Variants in SLC24A2 observed in about 807,000 individuals in gnomAD.
The protein encoded by SLC24A2 is sodium/potassium/calcium exchanger 2.
In SLC24A2, 36 loss-of-function variants were observed where a neutral mutation model predicts 62.0. That is an observed-to-expected ratio of 0.58 (90% CI 0.44 to 0.77). SLC24A2 has a LOEUF of 0.77. Ranked by LOEUF, SLC24A2 falls within the 30% of genes least tolerant of loss-of-function variation. The pLI is 0.00. For missense variants in SLC24A2, 846 were observed against 817.9 expected, an observed-to-expected ratio of 1.03 and a Z score of -0.42; for synonymous variants, 358 against 294.0, an observed-to-expected ratio of 1.22 and a Z score of -2.23.
chr9:20,256,921 T>TACACAC, the SLC24A2 span, among the ~76,000 whole-genome samples: 2,620 of 119,950 alleles, frequency 0.022, 70 homozygotes, highest in African/African-American at 0.065. Context: ...CTCCAGCATG[T>TACACAC]ACACACACAC....
At chr9:19,534,540 A>G (rs969472510) in intron 8 of SLC24A2, among the ~76,000 whole-genome samples, 1 of 150,898 alleles carries the variant, frequency 6.6e-6, no homozygotes, top group Non-Finnish European at 1.5e-5. Flanking sequence ...CCAGTGTGTG[A>G]TGATCCCCTC....
the SLC24A2 span, among the ~76,000 whole-genome samples, chr9:20,001,478 C>G: frequency 6.6e-6 from 1 of 152,204 alleles, no homozygotes; most frequent in Non-Finnish European, 1.5e-5. Flanking sequence ...ATCTGCTGAG[C>G]TGAGAATAAG....
At chr9:20,019,147 AAGAAAGAAAGAG>A in the SLC24A2 span, among the ~76,000 whole-genome samples, 2 of 107,728 alleles carry the variant, frequency 1.9e-5, no homozygotes, top group Admixed American at 9.1e-5. Flanking sequence ...GAAAGAAAGA[AAGAAAGAAAGAG>A]AGAGAGACAG....
the SLC24A2 span, among the ~76,000 whole-genome samples, chr9:20,268,576 CAG>C: frequency 1.3e-5 from 2 of 152,184 alleles, no homozygotes; most frequent in African/African-American, 4.8e-5. Flanking sequence ...TCAAAACTCT[CAG>C]AGTCTCCACC....
the SLC24A2 span, among the ~76,000 whole-genome samples, chr9:20,287,478 C>G: frequency 9.2e-5 from 14 of 152,272 alleles, no homozygotes; most frequent in East Asian, 2.7e-3. Context: ...GAAACCAGCT[C>G]TATTCTGATA....
chr9:20,157,096 G>A, the SLC24A2 span, among the ~76,000 whole-genome samples: 666 of 151,680 alleles, frequency 4.4e-3, 9 homozygotes, highest in African/African-American at 0.016. Context: ...TTCATTTGTT[G>A]CACATCTAGT....
chr9:20,129,241 G>A, the SLC24A2 span, among the ~76,000 whole-genome samples: 4 of 152,144 alleles, frequency 2.6e-5, no homozygotes, highest in East Asian at 1.9e-4. Flanking sequence ...AACTATAAAC[G>A]AGATACTTCA....
At chr9:19,933,531 C>T in the SLC24A2 span, among the ~76,000 whole-genome samples, 2 of 152,016 alleles carry the variant, frequency 1.3e-5, no homozygotes, top group African/African-American at 2.4e-5. Flanking sequence ...AAGAACGCGC[C>T]GGGGGTGGGC....
At chr9:19,780,352 C>A (rs1822976546) in intron 2 of SLC24A2, among the ~76,000 whole-genome samples, 1 of 150,964 alleles carries the variant, frequency 6.6e-6, no homozygotes. Context: ...ACTGCAATCT[C>A]TGAAGCCCGG....
chr9:19,622,347 T>A, intron 2 of SLC24A2, 48 bp from the exon 3 acceptor site: 6 of 1,554,844 alleles, frequency 3.9e-6, no homozygotes, highest in Non-Finnish European at 5.3e-6. Flanking sequence ...AATAAATAAA[T>A]GAAGAATCAC....
the SLC24A2 span, among the ~76,000 whole-genome samples, chr9:19,993,281 A>G: frequency 1.3e-5 from 2 of 152,200 alleles, no homozygotes; most frequent in Admixed American, 1.3e-4. Flanking sequence ...TCCACATGCT[A>G]GCTTTAATAG....
chr9:20,022,461 T>G, the SLC24A2 span, among the ~76,000 whole-genome samples: 1 of 152,156 alleles, frequency 6.6e-6, no homozygotes, highest in Non-Finnish European at 1.5e-5. Flanking sequence ...ATCCAGCAAG[T>G]AGTAGAGGCA....
the SLC24A2 span, among the ~76,000 whole-genome samples, chr9:20,127,824 A>G: frequency 6.6e-6 from 1 of 152,132 alleles, no homozygotes; most frequent in Non-Finnish European, 1.5e-5. Flanking sequence ...ATAAATTACT[A>G]GCATTTTTAG....
the SLC24A2 span, among the ~76,000 whole-genome samples, chr9:20,045,487 G>A: frequency 7.2e-5 from 11 of 151,976 alleles, no homozygotes; most frequent in South Asian, 1.5e-3. Flanking sequence ...GCTGGAGTGC[G>A]GTGGCACAAT....
the SLC24A2 span, among the ~76,000 whole-genome samples, chr9:19,813,653 G>T: frequency 3.9e-5 from 6 of 151,996 alleles, no homozygotes; most frequent in Admixed American, 3.9e-4. Flanking sequence ...TCCTTGTTGT[G>T]ATCTGAATGT....
At chr9:19,775,943 A>G (rs1192268374) in intron 2 of SLC24A2, among the ~76,000 whole-genome samples, 1 of 152,264 alleles carries the variant, frequency 6.6e-6, no homozygotes, top group Non-Finnish European at 1.5e-5. Flanking sequence ...AACTAAGGCC[A>G]CAGCCCTTTG....
intron 2 of SLC24A2, among the ~76,000 whole-genome samples, chr9:19,674,888 CT>C (rs1275612238): frequency 6.6e-6 from 1 of 152,180 alleles, no homozygotes; most frequent in Admixed American, 6.5e-5. Flanking sequence ...TTTGCATCCA[CT>C]GCTGGTGAGC....
the SLC24A2 span, among the ~76,000 whole-genome samples, chr9:19,946,643 G>C: frequency 6.6e-6 from 1 of 152,230 alleles, no homozygotes; most frequent in African/African-American, 2.4e-5. Context: ...CTTAAGCACA[G>C]TGCCTGCCTA....
chr9:19,686,986 C>T (rs1357709597), intron 2 of SLC24A2, among the ~76,000 whole-genome samples: 1 of 152,118 alleles, frequency 6.6e-6, no homozygotes, highest in Non-Finnish European at 1.5e-5. Flanking sequence ...TTTGCAGCAA[C>T]ATAGATGGAG....
Sources: gnomAD v4.1 joint callset for allele counts (sites outside exome capture counted in the v4.1 genomes callset) on GRCh38, gnomAD v4.1.1 for gene constraint, MANE v1.5 for transcripts, NCBI Gene and HGNC (gene_info 2026-07-23, HGNC 2026-07-21) for gene names.